Variants in TMEM108 observed in about 807,000 individuals in gnomAD.
The protein encoded by TMEM108 is cancer/testis antigen 124.
A neutral mutation model predicts 35.1 loss-of-function variants in TMEM108; 12 were observed. That is an observed-to-expected ratio of 0.34 (90% CI 0.22 to 0.55). The LOEUF is 0.55. TMEM108 is among the 20% of genes least tolerant of loss of function. The pLI, the probability that TMEM108 is intolerant of heterozygous loss-of-function variation, is 0.89. For synonymous variants in TMEM108, 287 were observed against 308.6 expected, an observed-to-expected ratio of 0.93 and a Z score of 0.73; for missense variants, 680 against 753.3, an observed-to-expected ratio of 0.90 and a Z score of 1.14.
intron 1 of TMEM108, among the ~76,000 whole-genome samples, chr3:133,038,869 C>T (rs1186978954): frequency 6.6e-6 from 1 of 152,214 alleles, no homozygotes; most frequent in Non-Finnish European, 1.5e-5. Context: ...TTGGCCAGCC[C>T]GAGGGACTCG....
At chr3:133,144,414 A>G (rs1576342914) in intron 2 of TMEM108, among the ~76,000 whole-genome samples, 3 of 152,186 alleles carry the variant, frequency 2.0e-5, no homozygotes, top group African/African-American at 7.2e-5. Flanking sequence ...GCTATTGTGA[A>G]TAGTGCTGCA....
At chr3:133,373,061 C>G (rs2072722704) in intron 3 of TMEM108, among the ~76,000 whole-genome samples, 1 of 152,074 alleles carries the variant, frequency 6.6e-6, no homozygotes, top group Non-Finnish European at 1.5e-5. Flanking sequence ...ACACTGGAAC[C>G]ACAGTGAGTA....
chr3:133,310,598 A>AT (rs1312906216), intron 3 of TMEM108, among the ~76,000 whole-genome samples: 2 of 83,710 alleles, frequency 2.4e-5, no homozygotes, highest in Non-Finnish European at 4.3e-5. Flanking sequence ...CCATCCCTTT[A>AT]TTTTGAGCCT....
At position 133,229,262 on chromosome 3, in the gene TMEM108, C is replaced by G. The variant is rs761190242; in HGVS notation, c.-46-4C>G. 6.3e-7 allele frequency: 1 copy of G among 1,579,976 alleles called. No homozygotes were observed. Among genetic ancestry groups the G allele is most frequent in the Non-Finnish European group, 8.6e-7 (1 of 1,158,450 alleles). On this transcript the variant is annotated splice_polypyrimidine_tract_variant and splice_region_variant and intron_variant, in intron 2 of 5. Coordinates refer to ENST00000321871, the MANE Select transcript of TMEM108 (RefSeq NM_023943.4). ...GTAACAATTTTCTTCTCCCAATTTC[C>G]TAGACAGAATCATGAATAAACTGGA...
At chr3:133,054,618 C>G (rs983720409) in intron 2 of TMEM108, among the ~76,000 whole-genome samples, 1 of 152,206 alleles carries the variant, frequency 6.6e-6, no homozygotes, top group African/African-American at 2.4e-5. Context: ...TTCACTTTCT[C>G]CCTGAACTTG....
rs931266600 is a variant in TMEM108, at chr3:133,304,275, G to A, written c.40+74924G>A. Reference sequence around the variant, plus strand: ...TGATTCAGCCATGATCATAAAGAATGGTCTGACAGAGAAGTCTCATATATT... The same window carrying A: ...TGATTCAGCCATGATCATAAAGAATAGTCTGACAGAGAAGTCTCATATATT... On this transcript the variant is annotated intron_variant, in intron 3 of 5. Coordinates refer to ENST00000321871, the MANE Select transcript of TMEM108 (RefSeq NM_023943.4). 4.6e-5 allele frequency among the ~76,000 whole-genome samples: 7 copies of A among 152,106 alleles called. 1 individual carries two copies. Among genetic ancestry groups the A allele is most frequent in the African/African-American group, 1.7e-4 (7 of 41,410 alleles).
chr3:133,395,827 C>T (rs990850858), intron 5 of TMEM108, 37 bp from the exon 6 acceptor site: 1 of 1,508,034 alleles, frequency 6.6e-7, no homozygotes, highest in Non-Finnish European at 8.9e-7. Flanking sequence ...CTTAAGCCTT[C>T]TCCAGCTCAC....
chr3:133,303,574 G>T (rs1199899516), intron 3 of TMEM108, among the ~76,000 whole-genome samples: 1 of 152,016 alleles, frequency 6.6e-6, no homozygotes, highest in Non-Finnish European at 1.5e-5. Context: ...AAGGAATCTG[G>T]TCATTGTTTA....
intron 2 of TMEM108, among the ~76,000 whole-genome samples, chr3:133,195,945 C>A (rs77866823): frequency 6.6e-6 from 1 of 152,156 alleles, no homozygotes; most frequent in Non-Finnish European, 1.5e-5. Flanking sequence ...TTGCAGGCCA[C>A]GTTAGCTCTG....
intron 2 of TMEM108, among the ~76,000 whole-genome samples, chr3:133,155,912 C>T (rs1218034961): frequency 6.6e-6 from 1 of 151,860 alleles, no homozygotes; most frequent in East Asian, 1.9e-4. Flanking sequence ...GAAATTTTTG[C>T]CAGATTCTAT....
intron 3 of TMEM108, among the ~76,000 whole-genome samples, chr3:133,284,762 C>CTATCT (rs1419867305): frequency 6.6e-6 from 1 of 152,196 alleles, no homozygotes; most frequent in Admixed American, 6.5e-5. Context: ...TGACAAAACA[C>CTATCT]TATCTTATTC....
intron 3 of TMEM108, among the ~76,000 whole-genome samples, chr3:133,376,779 C>G (rs775370635): frequency 2.0e-5 from 3 of 152,178 alleles, no homozygotes; most frequent in African/African-American, 7.2e-5. Flanking sequence ...CCCCACAGAT[C>G]ATTTTCCAGT....
intron 3 of TMEM108, among the ~76,000 whole-genome samples, chr3:133,281,743 C>T (rs903684146): frequency 3.3e-5 from 5 of 152,206 alleles, no homozygotes; most frequent in African/African-American, 1.2e-4. Flanking sequence ...CTTTCCCTCT[C>T]TGGGCTTTGG....
At chr3:133,184,148 A>C (rs1272679513) in intron 2 of TMEM108, among the ~76,000 whole-genome samples, 2 of 152,168 alleles carry the variant, frequency 1.3e-5, no homozygotes, top group African/African-American at 4.8e-5. Flanking sequence ...ATATTTTCTA[A>C]AGGGACTATT....
intron 2 of TMEM108, among the ~76,000 whole-genome samples, chr3:133,200,464 G>A (rs76259571): frequency 0.015 from 2,289 of 152,276 alleles, 77 homozygotes; most frequent in African/African-American, 0.051. Context: ...TCCAGCAGTC[G>A]TTCTCACAGT....
At chr3:133,101,622 A>C (rs1413202411) in intron 2 of TMEM108, among the ~76,000 whole-genome samples, 1 of 152,244 alleles carries the variant, frequency 6.6e-6, no homozygotes, top group Non-Finnish European at 1.5e-5. Context: ...ATGATTTTTA[A>C]ATTTAAAAAT....
chr3:133,262,840 AC>A (rs1309912585), intron 3 of TMEM108, among the ~76,000 whole-genome samples: 1 of 152,254 alleles, frequency 6.6e-6, no homozygotes, highest in Non-Finnish European at 1.5e-5. Flanking sequence ...AGAAATCTTG[AC>A]AATTCCAAAT....
At chr3:133,100,047 A>G (rs1944067533) in intron 2 of TMEM108, among the ~76,000 whole-genome samples, 1 of 152,208 alleles carries the variant, frequency 6.6e-6, no homozygotes, top group Non-Finnish European at 1.5e-5. Flanking sequence ...GGGAACAAAG[A>G]GACGTTTAAT....
intron 2 of TMEM108, among the ~76,000 whole-genome samples, chr3:133,185,884 C>T (rs1945413811): frequency 6.6e-6 from 1 of 151,178 alleles, no homozygotes; most frequent in Admixed American, 6.6e-5. Flanking sequence ...TCTCCTGCCT[C>T]AGCCTCCCCA....
Sources: gnomAD v4.1 joint callset for allele counts (sites outside exome capture counted in the v4.1 genomes callset) on GRCh38, gnomAD v4.1.1 for gene constraint, MANE v1.5 for transcripts, NCBI Gene and HGNC (gene_info 2026-07-23, HGNC 2026-07-21) for gene names.